ZNF521: variants seen among roughly 807,000 people sequenced by gnomAD.
ZNF521 encodes the protein LYST-interacting protein 3.
Under a neutral mutation model 105.5 loss-of-function variants are expected in ZNF521, and 14 were observed. The ratio of observed to expected loss-of-function variants is 0.13; its 90% confidence interval spans 0.09 to 0.21. ZNF521 has a LOEUF of 0.21. ZNF521 is among the 10% of genes least tolerant of loss of function. The pLI, the probability that ZNF521 is intolerant of heterozygous loss-of-function variation, is 1.00. For synonymous variants in ZNF521, 635 were observed against 606.0 expected (o/e 1.05, Z -0.70); for missense variants, 1,233 against 1,629.7 (o/e 0.76, Z 4.19).
intron 3 of ZNF521, among the ~76,000 whole-genome samples, chr18:25,247,647 G>A (rs1045717755): frequency 2.0e-5 from 3 of 152,214 alleles, no homozygotes; most frequent in Non-Finnish European, 2.9e-5. Context: ...AGAGGAAGTA[G>A]AGCCCGATCA....
Position 25,349,879 on chromosome 18 carries a change from C to T in ZNF521, c.40+1028G>A, listed in dbSNP as rs564215973. ...CAGCGCTGGCCCCCTGGCCCTCGCC[C>T]CGGTTCCCCGTCCTGCCCGCGCGCC... is the stretch of plus-strand genomic sequence containing the variant. On this transcript the variant is annotated intron_variant, in intron 2 of 7. Coordinates refer to ENST00000361524, the MANE Select transcript of ZNF521 (RefSeq NM_015461.3). Among the ~76,000 whole-genome samples the T allele has an allele frequency of 2.5e-3, 370 of 150,928 alleles. 3 individuals carry two copies. Among genetic ancestry groups the T allele is most frequent in the African/African-American group, 8.7e-3 (361 of 41,398 alleles).
At chr18:25,259,031 G>A (rs964131391) in intron 3 of ZNF521, among the ~76,000 whole-genome samples, 49 of 152,288 alleles carry the variant, frequency 3.2e-4, no homozygotes, top group African/African-American at 1.1e-3. Flanking sequence ...GACCTAATAT[G>A]TGCCTAAGAA....
At chr18:25,101,757 T>TA (rs2033969628) in intron 5 of ZNF521, among the ~76,000 whole-genome samples, 1 of 152,114 alleles carries the variant, frequency 6.6e-6, no homozygotes, top group African/African-American at 2.4e-5. Flanking sequence ...AGAAAACACT[T>TA]ACAGATTTGA....
intron 5 of ZNF521, among the ~76,000 whole-genome samples, chr18:25,116,445 C>A (rs2034303724): frequency 6.6e-6 from 1 of 152,034 alleles, no homozygotes. Context: ...AAAGGTAACC[C>A]CTTAAACATG....
intron 1 of ZNF521, 101 bp from the exon 2 acceptor site, chr18:25,351,048 C>G: frequency 1.1e-6 from 1 of 883,854 alleles, no homozygotes; most frequent in South Asian, 2.4e-5. Context: ...GCGCCCTCCG[C>G]TCGGCCTCCC....
At chr18:25,351,945 GAGAGCCGGGAGCAGGAGGAGGAGA>G (rs952096849) in intron 1 of ZNF521, 36 bp downstream of exon 1, 5 of 315,032 alleles carry the variant, frequency 1.6e-5, no homozygotes, top group Non-Finnish European at 2.6e-5. Flanking sequence ...GGAGGAGGAG[GAGAGCCGGGAGCAGGAGGAGGAGA>G]AGGAGTGTGC....
Position 25,118,271 on chromosome 18 carries a change from A to C in ZNF521, c.3659-26190T>G, listed in dbSNP as rs139147094. Among the ~76,000 whole-genome samples the C allele has an allele frequency of 2.6e-3, 394 of 152,198 alleles. 10 individuals are homozygous for C. Among genetic ancestry groups the C allele is most frequent in the Non-Finnish European group, 4.1e-4 (28 of 67,920 alleles). On this transcript the variant is annotated intron_variant, in intron 5 of 7. Transcript: ENST00000361524. ...ACTAAGAGAATTTATCTTTAGCAGA[A>C]CTGAACTATAAAGAGTTCTTCTTCA...
At chr18:25,272,720 C>A (rs1909743232) in intron 3 of ZNF521, among the ~76,000 whole-genome samples, 1 of 151,616 alleles carries the variant, frequency 6.6e-6, no homozygotes, top group Non-Finnish European at 1.5e-5. Context: ...AATGAGGACA[C>A]AGGGATACAG....
chr18:25,326,527 G>A (rs193119161), intron 2 of ZNF521, among the ~76,000 whole-genome samples: 37 of 152,266 alleles, frequency 2.4e-4, no homozygotes, highest in East Asian at 1.5e-3. Flanking sequence ...TTAATATGCC[G>A]TAGCTGCACT....
chr18:25,142,711 G>A (rs1425119343), intron 5 of ZNF521, among the ~76,000 whole-genome samples: 3 of 151,258 alleles, frequency 2.0e-5, no homozygotes, highest in Admixed American at 6.6e-5. Context: ...GTTGAAATTT[G>A]ATTTTTTTTT....
At chr18:25,113,761 G>GACGGACACACACACACACACACACAC (rs35914509) in intron 5 of ZNF521, among the ~76,000 whole-genome samples, 5,981 of 101,296 alleles carry the variant, frequency 0.059, 418 homozygotes, top group South Asian at 0.092. Context: ...AGGACGGACG[G>GACGGACACACACACACACACACACAC]ACACACACAC....
At chr18:25,074,751 A>C (rs549846348) in intron 7 of ZNF521, among the ~76,000 whole-genome samples, 1 of 152,180 alleles carries the variant, frequency 6.6e-6, no homozygotes, top group African/African-American at 2.4e-5. Flanking sequence ...CCACACGTGA[A>C]GTTCCCATTC....
At chr18:25,243,243 T>C (rs1555651957) in intron 3 of ZNF521, among the ~76,000 whole-genome samples, 1 of 152,118 alleles carries the variant, frequency 6.6e-6, no homozygotes, top group Non-Finnish European at 1.5e-5. Context: ...GACTTTTTTT[T>C]CCTTGTCCTT....
chr18:25,121,111 A>T (rs372259809), intron 5 of ZNF521, among the ~76,000 whole-genome samples: 39 of 118,648 alleles, frequency 3.3e-4, no homozygotes, highest in East Asian at 4.9e-4. Flanking sequence ...AAGAAGGAGT[A>T]TTTTTTTTTT....
chr18:25,141,159 A>G (rs1240624513), intron 5 of ZNF521, among the ~76,000 whole-genome samples: 1 of 152,190 alleles, frequency 6.6e-6, no homozygotes, highest in East Asian at 1.9e-4. Context: ...TGACCAGAAC[A>G]ATGCTTTAAT....
At chr18:25,333,017 A>G (rs1913666218) in intron 2 of ZNF521, among the ~76,000 whole-genome samples, 2 of 152,042 alleles carry the variant, frequency 1.3e-5, no homozygotes, top group Admixed American at 6.6e-5. Context: ...CACATATTAT[A>G]TATTTGTATA....
At chr18:25,082,833 C>T (rs1335183248) in intron 7 of ZNF521, 3 of 82,564 alleles carry the variant, frequency 3.6e-5, no homozygotes, top group Admixed American at 4.4e-4. Flanking sequence ...CCGAGCAAGA[C>T]TCCGTCTCAA....
chr18:25,285,401 C>T (rs1910641876), intron 3 of ZNF521, among the ~76,000 whole-genome samples: 2 of 152,210 alleles, frequency 1.3e-5, no homozygotes, highest in South Asian at 4.1e-4. Context: ...TGGCAGGAGC[C>T]TTTGCTCCCA....
At chr18:25,137,615 C>A (rs960370716) in intron 5 of ZNF521, among the ~76,000 whole-genome samples, 17 of 152,032 alleles carry the variant, frequency 1.1e-4, no homozygotes, top group African/African-American at 3.9e-4. Context: ...AAATCAAGTC[C>A]GTCTTCTTCA....
Sources: gnomAD v4.1 joint callset for allele counts (sites outside exome capture counted in the v4.1 genomes callset) on GRCh38, gnomAD v4.1.1 for gene constraint, MANE v1.5 for transcripts, NCBI Gene and HGNC (gene_info 2026-07-23, HGNC 2026-07-21) for gene names.